Variants in PIK3C2G observed in about 807,000 individuals in gnomAD.
The protein encoded by PIK3C2G is phosphatidylinositol 3-kinase C2 domain-containing subunit gamma.
PIK3C2G carries 168 observed loss-of-function variants against 181.1 expected under a neutral mutation model. That is an observed-to-expected ratio of 0.93 (90% CI 0.82 to 1.05). The LOEUF (loss-of-function observed/expected upper bound fraction) is 1.05. PIK3C2G is among the 50% of genes least tolerant of loss of function. PIK3C2G has a pLI of 0.00. For missense variants in PIK3C2G, 1,869 were observed against 1,732.8 expected (o/e 1.08, Z -1.40); for synonymous variants, 573 against 592.2 (o/e 0.97, Z 0.47).
At chr12:18,698,681 G>A in the PIK3C2G span, among the ~76,000 whole-genome samples, 1 of 151,926 alleles carries the variant, frequency 6.6e-6, no homozygotes, top group Non-Finnish European at 1.5e-5. Context: ...TATTTATGGA[G>A]TACACGAGAT....
chr12:18,306,076 C>T (rs10743270), intron 5 of PIK3C2G, among the ~76,000 whole-genome samples: 79,964 of 151,598 alleles, frequency 0.53, 21,440 homozygotes, highest in East Asian at 0.74. Flanking sequence ...AAAAAAAAAC[C>T]TCTTTGCAGA....
chr12:18,559,776 T>TTATATATATA (rs369459549), intron 26 of PIK3C2G, among the ~76,000 whole-genome samples: 21 of 42,720 alleles, frequency 4.9e-4, no homozygotes, highest in South Asian at 1.3e-3. Context: ...TTGTATGAAA[T>TTATATATATA]TATATATATA....
At chr12:18,524,042 T>C (rs1056776000) in intron 24 of PIK3C2G, among the ~76,000 whole-genome samples, 1 of 152,222 alleles carries the variant, frequency 6.6e-6, no homozygotes, top group African/African-American at 2.4e-5. Flanking sequence ...CCACAATCTG[T>C]GTGCTGGTGG....
chr12:18,321,788 C>A (rs897098171), intron 7 of PIK3C2G, among the ~76,000 whole-genome samples: 5 of 152,104 alleles, frequency 3.3e-5, no homozygotes, highest in African/African-American at 1.2e-4. Flanking sequence ...ATGTCTCTTG[C>A]GGGACAGAGA....
chr12:18,582,747 T>C (rs972062873), intron 29 of PIK3C2G, among the ~76,000 whole-genome samples: 7 of 152,038 alleles, frequency 4.6e-5, no homozygotes, highest in African/African-American at 1.7e-4. Flanking sequence ...CTTTGCTGTT[T>C]TGCAGCCTTA....
chr12:18,651,510 G>T (rs1254638820), downstream of PIK3C2G, among the ~76,000 whole-genome samples: 1 of 152,118 alleles, frequency 6.6e-6, no homozygotes, highest in African/African-American at 2.4e-5. Context: ...AGGAAGTTTA[G>T]TTCACTGACA....
At chr12:18,365,243 C>A (rs910337721) in intron 12 of PIK3C2G, among the ~76,000 whole-genome samples, 1 of 152,144 alleles carries the variant, frequency 6.6e-6, no homozygotes, top group Non-Finnish European at 1.5e-5. Context: ...GTATTTACAT[C>A]CCATGAATAG....
downstream of PIK3C2G, among the ~76,000 whole-genome samples, chr12:18,651,717 G>C (rs1472209315): frequency 6.6e-6 from 1 of 152,148 alleles, no homozygotes; most frequent in African/African-American, 2.4e-5. Flanking sequence ...TCTGAAGTCA[G>C]ACTCACCACC....
chr12:18,623,821 A>G (rs1948974699), intron 31 of PIK3C2G, among the ~76,000 whole-genome samples: 10 of 151,590 alleles, frequency 6.6e-5, no homozygotes, highest in Admixed American at 6.6e-4. Flanking sequence ...TTCTCTTGAT[A>G]TCCTTTTTGG....
chr12:18,605,165 A>T (rs1228084003), intron 30 of PIK3C2G, among the ~76,000 whole-genome samples: 2 of 152,188 alleles, frequency 1.3e-5, no homozygotes, highest in Non-Finnish European at 2.9e-5. Context: ...AAAAGAAAGA[A>T]AATCCAAATA....
chr12:18,709,253 T>G, the PIK3C2G span, among the ~76,000 whole-genome samples: 1 of 152,118 alleles, frequency 6.6e-6, no homozygotes, highest in Non-Finnish European at 1.5e-5. Flanking sequence ...GTTTTTTCAG[T>G]ACCATTTATT....
chr12:18,581,599 A>G (rs1262576990), intron 29 of PIK3C2G, among the ~76,000 whole-genome samples: 3 of 152,216 alleles, frequency 2.0e-5, no homozygotes, highest in African/African-American at 7.2e-5. Flanking sequence ...ATTTACTGTG[A>G]TGGCAAAAAC....
chr12:18,459,880 A>C (rs1947823485), intron 18 of PIK3C2G, among the ~76,000 whole-genome samples: 2 of 152,092 alleles, frequency 1.3e-5, no homozygotes, highest in African/African-American at 4.8e-5. Flanking sequence ...CTCCTGCCTC[A>C]GCCTCCCAAG....
chr12:18,335,055 A>T (rs1315157525), intron 8 of PIK3C2G, among the ~76,000 whole-genome samples: 1 of 152,166 alleles, frequency 6.6e-6, no homozygotes, highest in African/African-American at 2.4e-5. Flanking sequence ...ACGAGGGTTC[A>T]GTTCCTCACA....
chr12:18,402,057 T>C (rs1388188876), intron 16 of PIK3C2G, among the ~76,000 whole-genome samples: 1 of 152,054 alleles, frequency 6.6e-6, no homozygotes, highest in Non-Finnish European at 1.5e-5. Context: ...ATATGCCCAC[T>C]CAAAAACTCA....
chr12:18,296,526 C>G (rs1228689122), intron 5 of PIK3C2G, among the ~76,000 whole-genome samples: 1 of 152,062 alleles, frequency 6.6e-6, no homozygotes, highest in Non-Finnish European at 1.5e-5. Flanking sequence ...TAAAAACTAG[C>G]TCTAATCAAC....
intron 8 of PIK3C2G, among the ~76,000 whole-genome samples, chr12:18,328,288 T>G (rs979802318): frequency 6.6e-6 from 1 of 151,912 alleles, no homozygotes; most frequent in Non-Finnish European, 1.5e-5. Flanking sequence ...ATATGACATC[T>G]CTAGTGTTCA....
intron 13 of PIK3C2G, among the ~76,000 whole-genome samples, chr12:18,372,309 T>C (rs1491000226): frequency 6.6e-6 from 1 of 152,120 alleles, no homozygotes; most frequent in Non-Finnish European, 1.5e-5. Flanking sequence ...TATTTATCTT[T>C]GTCATATCTA....
intron 8 of PIK3C2G, among the ~76,000 whole-genome samples, chr12:18,325,851 G>A (rs900775607): frequency 6.6e-6 from 1 of 151,986 alleles, no homozygotes; most frequent in African/African-American, 2.4e-5. Flanking sequence ...AAGCAGACAG[G>A]GGCCAAATTA....
Sources: allele counts gnomAD v4.1 joint callset (sites outside exome capture counted in the v4.1 genomes callset), GRCh38; gene constraint gnomAD v4.1.1; transcripts MANE v1.5; gene names NCBI Gene and HGNC (gene_info 2026-07-23, HGNC 2026-07-21).